SYNJ2: variants seen among roughly 807,000 people sequenced by gnomAD.
The protein encoded by SYNJ2 is polyphosphatidylinositol phosphatase SYNJ2.
In SYNJ2, 116 loss-of-function variants were observed where a neutral mutation model predicts 141.3. The observed-to-expected ratio is 0.82, with a 90% confidence interval of 0.71 to 0.96. SYNJ2 has a LOEUF of 0.96. SYNJ2 is among the 40% of genes least tolerant of loss of function. SYNJ2 has a pLI of 0.00. For missense variants in SYNJ2, 1,873 were observed against 1,934.8 expected, an observed-to-expected ratio of 0.97 and a Z score of 0.60; for synonymous variants, 745 against 777.7, an observed-to-expected ratio of 0.96 and a Z score of 0.70.
chr6:158,078,504 A>G, intron 18 of SYNJ2: 3 of 338,324 alleles, frequency 8.9e-6, no homozygotes. Context: ...TCCATATCAT[A>G]AATGACATCA....
intron 3 of SYNJ2, chr6:158,030,928 G>C (rs557107351): frequency 1.3e-5 from 2 of 152,172 alleles, no homozygotes; most frequent in Non-Finnish European, 2.9e-5. Flanking sequence ...AAATAAAATC[G>C]TGAATCTCAT....
At chr6:157,993,797 GTTTTTTTTTTT>G (rs61529071) in intron 1 of SYNJ2, among the ~76,000 whole-genome samples, 5 of 47,944 alleles carry the variant, frequency 1.0e-4, no homozygotes, top group African/African-American at 2.3e-4. Flanking sequence ...AAATGTGTGG[GTTTTTTTTTTT>G]TTTTTTTTTT....
At chr6:158,082,075 A>G (rs2025182) in intron 20 of SYNJ2, among the ~76,000 whole-genome samples, 84,488 of 152,050 alleles carry the variant, frequency 0.56, 24,198 homozygotes, top group African/African-American at 0.7. Flanking sequence ...GGGTGGGCGC[A>G]GTGGCTTATG....
intron 16 of SYNJ2, among the ~76,000 whole-genome samples, 161 bp downstream of exon 16, chr6:158,074,899 G>A (rs1782171401): frequency 1.4e-5 from 2 of 147,950 alleles, no homozygotes; most frequent in Non-Finnish European, 3.0e-5. Context: ...GTACAGGAGT[G>A]GCTGTTCATA....
intron 1 of SYNJ2, among the ~76,000 whole-genome samples, chr6:158,005,167 TCCCAGGTTC>T (rs1346468052): frequency 6.7e-6 from 1 of 150,160 alleles, no homozygotes; most frequent in Non-Finnish European, 1.5e-5. Context: ...AAGCTCCGCC[TCCCAGGTTC>T]ACGCCATTCT....
Position 158,043,317 on chromosome 6 carries a change from T to C in SYNJ2, c.713T>C (p.Met238Thr). ...CCTTTCTGTTTCCTTGTGCCGCAGA[T>C]GATTTACATGGACGATGGAGTGTCA... ...HVSNFVETEQ[M>T]IYMDDGVSSF... The change falls in exon 5 of 27, where the codon ATG becomes ACG. Residue 238 changes from methionine (M) to threonine (T), a missense_variant and splice_region_variant. Transcript: ENST00000355585. The surrounding 1 kb of genome is among the most constrained non-coding windows in gnomAD (Gnocchi z 4.0). 1 of 1,613,880 alleles carries C rather than the reference T, an allele frequency of 6.2e-7. No individual in the cohort carries two copies. The highest frequency in any genetic ancestry group is 2.2e-5 in the East Asian group (1 of 44,878).
chr6:158,033,969 A>G (rs1372797853), intron 4 of SYNJ2, among the ~76,000 whole-genome samples: 3 of 152,252 alleles, frequency 2.0e-5, no homozygotes, highest in African/African-American at 7.2e-5. Context: ...TGGTCGTGAA[A>G]GGTGGGCAGT....
chr6:158,052,897 A>G (rs1328187926), intron 5 of SYNJ2, among the ~76,000 whole-genome samples: 1 of 152,184 alleles, frequency 6.6e-6, no homozygotes, highest in African/African-American at 2.4e-5. Flanking sequence ...CAATATTCCA[A>G]ATTGATCACT....
chr6:158,088,579 C>T (rs749144694), intron 23 of SYNJ2, 81 bp from the exon 24 acceptor site: 10 of 1,016,238 alleles, frequency 9.8e-6, no homozygotes, highest in Admixed American at 3.5e-5. Flanking sequence ...ACATCCGCCT[C>T]GTCTAGTCGG....
chr6:157,996,739 C>A (rs181863197), intron 1 of SYNJ2, among the ~76,000 whole-genome samples: 362 of 152,266 alleles, frequency 2.4e-3, no homozygotes, highest in Middle Eastern at 0.01. Flanking sequence ...GCCACAAGAT[C>A]TGATTGTTTA....
At chr6:158,035,865 A>G (rs1189210662) in intron 4 of SYNJ2, among the ~76,000 whole-genome samples, 1 of 152,170 alleles carries the variant, frequency 6.6e-6, no homozygotes. Flanking sequence ...CTATCAACAG[A>G]GTGAACAGAC....
At chr6:158,018,126 C>G (rs903746905) in intron 2 of SYNJ2, among the ~76,000 whole-genome samples, 2 of 152,034 alleles carry the variant, frequency 1.3e-5, no homozygotes, top group African/African-American at 4.8e-5. Flanking sequence ...ATCTGACTTG[C>G]GAAGGGAGAG....
chr6:158,029,006 A>G lies in SYNJ2; in HGVS notation c.465A>G (p.Glu155=). 1 of 1,504,650 alleles carries G rather than the reference A, an allele frequency of 6.6e-7. No homozygotes were observed. The highest frequency in any genetic ancestry group is 8.9e-7 in the Non-Finnish European group (1 of 1,129,310). The allele number at this position is 1,504,650 out of a possible 1,614,324, so 93.2% of individuals were successfully genotyped here. The part of the protein sequence containing the change: ...RTQKQGDDSS[E]WGNSFFWNQL... Reference sequence around the variant, plus strand: ...AGAAGCAGGGGGATGACAGCTCTGAATGGGGGAACTCCTTCTTCTGGTGAG... The same window carrying G: ...AGAAGCAGGGGGATGACAGCTCTGAGTGGGGGAACTCCTTCTTCTGGTGAG... The change falls in exon 3 of 27, where the codon GAA becomes GAG. Residue 155 remains glutamate (E), a synonymous_variant. Transcript: ENST00000355585.
chr6:158,047,774 C>CA (rs58147972), intron 5 of SYNJ2, among the ~76,000 whole-genome samples: 420 of 32,362 alleles, frequency 0.013, 76 homozygotes, highest in African/African-American at 0.036. Flanking sequence ...GCGACTCTGT[C>CA]AAAAAAAAAA....
chr6:158,072,592 A>G (rs1782003101), intron 15 of SYNJ2, among the ~76,000 whole-genome samples: 2 of 152,210 alleles, frequency 1.3e-5, no homozygotes, highest in South Asian at 2.1e-4. Flanking sequence ...CTGACGTCCC[A>G]TTTTACTGGG....
At chr6:157,998,677 TCA>T (rs1777723850) in intron 1 of SYNJ2, among the ~76,000 whole-genome samples, 2 of 152,236 alleles carry the variant, frequency 1.3e-5, no homozygotes, top group Non-Finnish European at 2.9e-5. Context: ...GGCTATGCTT[TCA>T]CAGTGTTACG....
At position 158,078,333 on chromosome 6, in the gene SYNJ2, C is replaced by A. The variant is rs780509509; in HGVS notation, c.2567+52C>A. The A allele has an allele frequency of 2.4e-6, 3 of 1,268,982 alleles. No homozygotes were observed. In the Admixed American group the frequency reaches 5.3e-5, roughly 23 times the overall value. 78.6% of individuals were successfully genotyped at this position (1,268,982 alleles called of 1,614,324 possible). ...TCTCCTGTGCTGGGCAAGGCAGCGT[C>A]TCCCTCTCCGCAGGAAAATGCATGC... On this transcript the variant is annotated intron_variant, in intron 18 of 26. Coordinates refer to ENST00000355585, the MANE Select transcript of SYNJ2 (RefSeq NM_003898.4).
chr6:158,010,239 C>T (rs1327973384), intron 1 of SYNJ2, among the ~76,000 whole-genome samples: 1 of 152,232 alleles, frequency 6.6e-6, no homozygotes, highest in Non-Finnish European at 1.5e-5. Context: ...TGCTACCTTC[C>T]TGGTGTGTGT....
chr6:157,992,008 G>C (rs1487544134), intron 1 of SYNJ2, among the ~76,000 whole-genome samples: 1 of 152,136 alleles, frequency 6.6e-6, no homozygotes, highest in Non-Finnish European at 1.5e-5. Flanking sequence ...TGGGTACATA[G>C]TAGGTATATA....
Sources: allele counts gnomAD v4.1 joint callset (sites outside exome capture counted in the v4.1 genomes callset), GRCh38; gene constraint gnomAD v4.1.1; non-coding constraint Gnocchi (gnomAD v3.1); transcripts MANE v1.5; gene names NCBI Gene and HGNC (gene_info 2026-07-23, HGNC 2026-07-21).